NRXN1: variants seen among roughly 807,000 people sequenced by gnomAD.
NRXN1 encodes neurexin-1.
A neutral mutation model predicts 150.9 loss-of-function variants in NRXN1; 39 were observed. That is an observed-to-expected ratio of 0.26 (90% CI 0.20 to 0.34). The LOEUF (loss-of-function observed/expected upper bound fraction) is 0.34. Among genes scored for constraint, NRXN1 ranks in the 10% least tolerant of loss-of-function variants. The pLI, the probability that NRXN1 is intolerant of heterozygous loss-of-function variation, is 1.00. For synonymous variants in NRXN1, 924 were observed against 757.0 expected (o/e 1.22, Z -3.62); for missense variants, 1,815 against 1,949.9 (o/e 0.93, Z 1.30).
intron 18 of NRXN1, among the ~76,000 whole-genome samples, chr2:50,179,779 G>T (rs1263511850): frequency 6.6e-6 from 1 of 152,060 alleles, no homozygotes; most frequent in Non-Finnish European, 1.5e-5. Flanking sequence ...GAAAAAAAAT[G>T]TGGAGAATGA....
At chr2:50,296,462 G>C (rs1020856307) in intron 17 of NRXN1, among the ~76,000 whole-genome samples, 2 of 151,922 alleles carry the variant, frequency 1.3e-5, no homozygotes, top group Admixed American at 6.6e-5. Flanking sequence ...CACCTGAATA[G>C]TTCCCAGTGT....
At position 50,577,753 on chromosome 2, in the gene NRXN1, T is replaced by A. The variant is rs181699462; in HGVS notation, c.1321-24728A>T. ...ACACACACACACACTAAATGGTATG[T>A]CTTTTGAAAGGAAATAACTAAATTA... On this transcript the variant is annotated intron_variant, in intron 8 of 22. Coordinates refer to ENST00000401669, the MANE Select transcript of NRXN1 (RefSeq NM_001330078.2). Among the ~76,000 whole-genome samples, 402 of 151,758 alleles carry A rather than the reference T, an allele frequency of 2.6e-3. 1 individual carries two copies. The highest frequency in any genetic ancestry group is 4.2e-3 in the Non-Finnish European group (287 of 67,822).
At chr2:50,971,400 T>C (rs980817474) in intron 2 of NRXN1, among the ~76,000 whole-genome samples, 2 of 151,936 alleles carry the variant, frequency 1.3e-5, no homozygotes, top group Non-Finnish European at 2.9e-5. Context: ...CTGGCCAACA[T>C]GGTGAAACCC....
At chr2:50,639,252 GCT>G (rs1193103169) in intron 5 of NRXN1, among the ~76,000 whole-genome samples, 8 of 99,990 alleles carry the variant, frequency 8.0e-5, no homozygotes, top group Admixed American at 5.0e-4. Flanking sequence ...ACAGATTCTT[GCT>G]CTGTCACCCA....
intron 18 of NRXN1, among the ~76,000 whole-genome samples, chr2:50,181,530 C>T (rs995624): frequency 0.32 from 49,002 of 151,836 alleles, 8,349 homozygotes; most frequent in Non-Finnish European, 0.37. Context: ...TTCTCTGGGC[C>T]TCCTTTGCCT....
intron 5 of NRXN1, among the ~76,000 whole-genome samples, chr2:50,847,152 A>T (rs1454037322): frequency 6.6e-6 from 1 of 152,120 alleles, no homozygotes; most frequent in Non-Finnish European, 1.5e-5. Context: ...AATCCTTCCT[A>T]GGTTTTGTGG....
At chr2:50,951,062 T>A (rs1253183864) in intron 2 of NRXN1, among the ~76,000 whole-genome samples, 1 of 152,192 alleles carries the variant, frequency 6.6e-6, no homozygotes, top group African/African-American at 2.4e-5. Context: ...ATGTCAGTAG[T>A]AATATACTGG....
intron 21 of NRXN1, among the ~76,000 whole-genome samples, chr2:50,019,767 A>C (rs949315434): frequency 9.3e-5 from 14 of 150,692 alleles, no homozygotes; most frequent in African/African-American, 2.9e-4. Flanking sequence ...TAACACGGTG[A>C]AACCCCGTCT....
At chr2:49,942,614 T>TTATTATTA (rs1553398766) in intron 22 of NRXN1, among the ~76,000 whole-genome samples, 10 of 149,008 alleles carry the variant, frequency 6.7e-5, no homozygotes, top group Admixed American at 6.7e-5. Context: ...TTATTATTAT[T>TTATTATTA]TTATTATTAT....
At chr2:50,141,983 G>C (rs1191989354) in intron 18 of NRXN1, among the ~76,000 whole-genome samples, 1 of 151,930 alleles carries the variant, frequency 6.6e-6, no homozygotes, top group African/African-American at 2.4e-5. Context: ...TCAGTTCAAA[G>C]GAATACCTGT....
At chr2:51,004,221 T>C (rs1700424643) in intron 2 of NRXN1, among the ~76,000 whole-genome samples, 1 of 151,954 alleles carries the variant, frequency 6.6e-6, no homozygotes, top group South Asian at 2.1e-4. Flanking sequence ...TGAATAAAAT[T>C]TTAAATTCAT....
intron 22 of NRXN1, among the ~76,000 whole-genome samples, chr2:49,930,494 A>C (rs1669945240): frequency 6.6e-6 from 1 of 152,238 alleles, no homozygotes; most frequent in Non-Finnish European, 1.5e-5. Flanking sequence ...ATTCTTAATA[A>C]TTATTTGATT....
chr2:50,038,262 T>C (rs1021367612), intron 21 of NRXN1, among the ~76,000 whole-genome samples: 1 of 152,194 alleles, frequency 6.6e-6, no homozygotes, highest in Admixed American at 6.5e-5. Context: ...CCTGCCCCTA[T>C]GTAATGTCCT....
chr2:50,492,179 T>C (rs956487853), intron 15 of NRXN1, among the ~76,000 whole-genome samples: 10 of 152,186 alleles, frequency 6.6e-5, no homozygotes, highest in African/African-American at 2.4e-4. Context: ...TAGGAAATCA[T>C]TCCAGAGAGC....
intron 5 of NRXN1, among the ~76,000 whole-genome samples, chr2:50,681,400 C>T (rs899466446): frequency 6.6e-6 from 1 of 152,230 alleles, no homozygotes; most frequent in Admixed American, 6.5e-5. Flanking sequence ...CAATCTGTGT[C>T]TTATGCTTCT....
intron 22 of NRXN1, chr2:49,926,195 A>G (rs1669077212): frequency 7.6e-6 from 3 of 395,088 alleles, no homozygotes; most frequent in Non-Finnish European, 8.9e-6. Context: ...CCCATTTCAT[A>G]TTTATATTCA....
intron 21 of NRXN1, among the ~76,000 whole-genome samples, chr2:49,988,651 T>C (rs1681385080): frequency 1.4e-5 from 2 of 147,830 alleles, no homozygotes; most frequent in Non-Finnish European, 3.0e-5. Context: ...CCCTGAAGCC[T>C]GCCTATTCAC....
chr2:50,756,539 G>A (rs754150518), intron 5 of NRXN1, among the ~76,000 whole-genome samples: 1 of 151,624 alleles, frequency 6.6e-6, no homozygotes, highest in African/African-American at 2.4e-5. Flanking sequence ...TTGCATCAGG[G>A]AATCTATTCT....
At chr2:50,001,630 T>A (rs1054458875) in intron 21 of NRXN1, among the ~76,000 whole-genome samples, 1 of 152,130 alleles carries the variant, frequency 6.6e-6, no homozygotes, top group Non-Finnish European at 1.5e-5. Context: ...AAAATGAGAA[T>A]AATAACATTT....
Sources: gnomAD v4.1 joint callset for allele counts (sites outside exome capture counted in the v4.1 genomes callset) on GRCh38, gnomAD v4.1.1 for gene constraint, MANE v1.5 for transcripts, NCBI Gene and HGNC (gene_info 2026-07-23, HGNC 2026-07-21) for gene names.